Variants in NSUN4 observed in about 807,000 individuals in gnomAD.
NSUN4 encodes NOP2/Sun RNA methyltransferase 4.
NSUN4 carries 31 observed loss-of-function variants against 43.8 expected under a neutral mutation model. The ratio of observed to expected loss-of-function variants is 0.71; its 90% CI spans 0.53 to 0.96. The LOEUF (loss-of-function observed/expected upper bound fraction) is 0.96, where lower values mean the gene tolerates loss of function less well. NSUN4 is among the 40% of genes least tolerant of loss of function. The pLI, the probability that NSUN4 is intolerant of heterozygous loss-of-function variation, is 0.00. For missense variants in NSUN4, 439 were observed against 475.6 expected (o/e 0.92, Z 0.72); for synonymous variants, 167 against 184.1 (o/e 0.91, Z 0.75).
intron 3 of NSUN4, among the ~76,000 whole-genome samples, chr1:46,347,853 G>A (rs1662625957): frequency 6.9e-6 from 1 of 145,514 alleles, no homozygotes; most frequent in Non-Finnish European, 1.5e-5. Context: ...AAATCCTTTT[G>A]ACTTTCTTTT....
chr1:46,341,180 T>G, intron 1 of NSUN4: 1 of 1,248,646 alleles, frequency 8.0e-7, no homozygotes, highest in South Asian at 2.1e-5. Context: ...ATTCTTTTAG[T>G]GATGTCACTG....
chr1:46,345,885 C>T (rs976400402), intron 2 of NSUN4, among the ~76,000 whole-genome samples: 13 of 152,106 alleles, frequency 8.5e-5, no homozygotes, highest in African/African-American at 3.1e-4. Flanking sequence ...TGTGGTGGCT[C>T]ACGCCTTTAA....
At chr1:46,348,295 C>T (rs17361805) in intron 3 of NSUN4, among the ~76,000 whole-genome samples, 34,138 of 152,182 alleles carry the variant, frequency 0.22, 4,303 homozygotes, top group Non-Finnish European at 0.29. Context: ...TCTGTCCTTA[C>T]GACCTCTGCT....
At position 46,358,256 on chromosome 1, in the gene NSUN4, C is replaced by T. The variant is rs559728826; in HGVS notation, c.754-2448C>T. ...GATTACAGGTGCCCACCACTGTGCC[C>T]GGCTAATTTTTGTATTTTTAGTAGA... On this transcript the variant is annotated intron_variant, in intron 4 of 5. Transcript: ENST00000474844. Among the ~76,000 whole-genome samples, 18 of 151,928 alleles carry T rather than the reference C, an allele frequency of 1.2e-4. No homozygotes were observed. The South Asian group carries it at 1.2e-3, about 11-fold the overall frequency.
Position 46,345,148 on chromosome 1 carries a change from G to T in NSUN4, c.437+4G>T. On this transcript the variant is annotated splice_donor_region_variant and intron_variant, in intron 2 of 5. Transcript: ENST00000474844. ...TCAGTCGCTTCCCTCCTGCCAGGTA[G>T]GATCTGGAGCCATGACTGGAGCGGT... is the stretch of plus-strand genomic sequence containing the variant. The T allele has an allele frequency of 6.3e-7, 1 of 1,592,356 alleles. No individual in the cohort carries two copies. The highest frequency in any genetic ancestry group is 1.1e-5 in the South Asian group (1 of 88,470).
Position 46,343,046 on chromosome 1 carries a change from T to C in NSUN4, c.94-1755T>C, listed in dbSNP as rs918487033. The C allele has an allele frequency of 1.0e-5, 4 of 399,874 alleles. No individual in the cohort carries two copies. In the Admixed American group the frequency reaches 1.3e-4, roughly 13 times the overall value. The allele number at this position is 399,874 out of a possible 1,614,324, so 24.8% of individuals were successfully genotyped here. A position where few individuals can be genotyped will look rare whatever the true frequency, so the allele number is the denominator to read the frequency against. ...CTTTTCCCCTCTGCCTTCCTTGTGA[T>C]CCTGTCTCGGCCAATAGTTATGCTC... On this transcript the variant is annotated intron_variant, in intron 1 of 5. Coordinates refer to ENST00000474844, the MANE Select transcript of NSUN4 (RefSeq NM_199044.4).
At chr1:46,350,369 A>C (rs1662889176) in intron 3 of NSUN4, among the ~76,000 whole-genome samples, 1 of 152,166 alleles carries the variant, frequency 6.6e-6, no homozygotes. Flanking sequence ...TCTTCATTAA[A>C]ATAAAAAAAA....
chr1:46,375,661 C>T, the NSUN4 span, among the ~76,000 whole-genome samples: 9 of 143,082 alleles, frequency 6.3e-5, no homozygotes, highest in East Asian at 2.1e-4. Context: ...GGCTTGAGCT[C>T]GGCAGGCAGA....
intron 1 of NSUN4, chr1:46,341,248 TCCCTCCCTC>T: frequency 4.0e-6 from 4 of 996,610 alleles, no homozygotes; most frequent in Non-Finnish European, 4.9e-6. Context: ...CCCTTTTACT[TCCCTCCCTC>T]CCCTCCCCCT....
At chr1:46,346,698 T>C (rs1289973798) in intron 2 of NSUN4, among the ~76,000 whole-genome samples, 1 of 152,174 alleles carries the variant, frequency 6.6e-6, no homozygotes, top group Non-Finnish European at 1.5e-5. Context: ...CGCTTCAGCC[T>C]GGGTAACAAA....
At chr1:46,368,453 C>T (rs1664185645), downstream of NSUN4, among the ~76,000 whole-genome samples, 1 of 152,170 alleles carries the variant, frequency 6.6e-6, no homozygotes, top group Admixed American at 6.5e-5. Context: ...GCAACTTCCA[C>T]GCTCATTTTG....
chr1:46,342,972 A>C (rs1306960628), intron 1 of NSUN4: 1 of 399,406 alleles, frequency 2.5e-6, no homozygotes, highest in Non-Finnish European at 4.4e-6. Flanking sequence ...CCCAGGGACT[A>C]CCTTACTGAC....
At chr1:46,366,459 A>T (rs1456620788), downstream of NSUN4, among the ~76,000 whole-genome samples, 4 of 152,172 alleles carry the variant, frequency 2.6e-5, no homozygotes, top group Admixed American at 2.6e-4. Flanking sequence ...AAAGTTATAC[A>T]TAAAAATTTG....
At chr1:46,349,924 A>G (rs566278963) in intron 3 of NSUN4, among the ~76,000 whole-genome samples, 1 of 152,274 alleles carries the variant, frequency 6.6e-6, no homozygotes, top group Non-Finnish European at 1.5e-5. Context: ...GAAGTAATTG[A>G]GAGTTGTTCT....
At chr1:46,384,322 T>C in the NSUN4 span, among the ~76,000 whole-genome samples, 1 of 152,300 alleles carries the variant, frequency 6.6e-6, no homozygotes, top group East Asian at 1.9e-4. Context: ...CTTGGCTTAG[T>C]TGTTCTGCTT....
chr1:46,354,663 T>A (rs941510894), intron 4 of NSUN4, among the ~76,000 whole-genome samples: 2 of 89,418 alleles, frequency 2.2e-5, no homozygotes, highest in African/African-American at 6.9e-5. Flanking sequence ...ATTTTTTTCT[T>A]TTTTTTTTTT....
chr1:46,345,297 C>T (rs1216545502), intron 2 of NSUN4, 153 bp downstream of exon 2: 3 of 593,928 alleles, frequency 5.1e-6, no homozygotes, highest in Non-Finnish European at 2.9e-6. Context: ...AGGTGCTGTA[C>T]ATATGTTATC....
At chr1:46,382,254 C>T in the NSUN4 span, among the ~76,000 whole-genome samples, 23 of 152,220 alleles carry the variant, frequency 1.5e-4, no homozygotes, top group African/African-American at 5.1e-4. Context: ...GACAGTGTTT[C>T]CCCGCACAAA....
At chr1:46,376,284 C>T in the NSUN4 span, among the ~76,000 whole-genome samples, 2 of 151,140 alleles carry the variant, frequency 1.3e-5, no homozygotes, top group African/African-American at 4.9e-5. Context: ...TGGTGGGGCA[C>T]CTGTAATTCC....
Sources: gnomAD v4.1 joint callset for allele counts (sites outside exome capture counted in the v4.1 genomes callset) on GRCh38, gnomAD v4.1.1 for gene constraint, MANE v1.5 for transcripts, NCBI Gene and HGNC (gene_info 2026-07-23, HGNC 2026-07-21) for gene names.